Variants in GALNT18 observed in about 807,000 individuals in gnomAD.
GALNT18 encodes polypeptide N-acetylgalactosaminyltransferase 18.
A neutral mutation model predicts 69.5 loss-of-function variants in GALNT18; 44 were observed. That is an observed-to-expected ratio of 0.63 (90% CI 0.50 to 0.81). GALNT18 has a LOEUF of 0.81. Ranked by LOEUF, GALNT18 falls within the 40% of genes least tolerant of loss-of-function variation. GALNT18 has a pLI of 0.00. For missense variants in GALNT18, 715 were observed against 810.0 expected (o/e 0.88, Z 1.42); for synonymous variants, 364 against 318.2 (o/e 1.14, Z -1.53).
rs1855365060 is a variant in GALNT18, at chr11:11,435,011, AC to A, written c.429-2225del. Reference sequence around the variant, plus strand: ...TTGCTAATTGCATTTAAAAAGTAATACCATCTGTGGCCAAACAAATAGTACA... The same window carrying A: ...TTGCTAATTGCATTTAAAAAGTAATACATCTGTGGCCAAACAAATAGTACA... On this transcript the variant is annotated intron_variant, in intron 2 of 10. Transcript: ENST00000227756. The surrounding 1 kb of genome is among the most constrained non-coding windows in gnomAD (Gnocchi z 4.4). Among the ~76,000 whole-genome samples the A allele has an allele frequency of 6.6e-6, 1 of 152,204 alleles. No individual in the cohort carries two copies. Among genetic ancestry groups the A allele is most frequent in the Admixed American group, 6.5e-5 (1 of 15,280 alleles).
At chr11:11,547,595 G>A (rs61872868) in intron 1 of GALNT18, among the ~76,000 whole-genome samples, 2,229 of 152,264 alleles carry the variant, frequency 0.015, 22 homozygotes, top group South Asian at 0.045. Flanking sequence ...GAAAGACAAC[G>A]AGAGTTAAGA....
intron 1 of GALNT18, among the ~76,000 whole-genome samples, chr11:11,506,150 C>T (rs968576462): frequency 2.0e-5 from 3 of 152,158 alleles, no homozygotes; most frequent in East Asian, 1.9e-4. Flanking sequence ...ATTTATTTAT[C>T]GATTTCAAAC....
At chr11:11,519,149 G>A (rs938303405) in intron 1 of GALNT18, among the ~76,000 whole-genome samples, 4 of 152,208 alleles carry the variant, frequency 2.6e-5, no homozygotes, top group African/African-American at 7.2e-5. Context: ...CACCCTGCTC[G>A]CCAGGCCATA....
intron 3 of GALNT18, among the ~76,000 whole-genome samples, chr11:11,429,037 C>CCTCGAGGAAA (rs1386814658): frequency 2.0e-5 from 3 of 152,150 alleles, no homozygotes; most frequent in South Asian, 4.1e-4. Flanking sequence ...AGTCAAGAAT[C>CCTCGAGGAAA]CTCGAGGAAA....
intron 3 of GALNT18, among the ~76,000 whole-genome samples, chr11:11,391,454 T>C (rs1436080803): frequency 6.6e-6 from 1 of 152,220 alleles, no homozygotes; most frequent in Non-Finnish European, 1.5e-5. Context: ...TCTTAATACA[T>C]TTCCTGTCTA....
intron 1 of GALNT18, among the ~76,000 whole-genome samples, chr11:11,534,639 T>G (rs1166708679): frequency 6.6e-6 from 1 of 152,240 alleles, no homozygotes; most frequent in Non-Finnish European, 1.5e-5. Context: ...CCTCCTGCCA[T>G]TCTATGTGAC....
chr11:11,407,685 C>T (rs905557344), intron 3 of GALNT18, among the ~76,000 whole-genome samples: 3 of 152,182 alleles, frequency 2.0e-5, no homozygotes, highest in South Asian at 2.1e-4. Flanking sequence ...GACAAGGGAG[C>T]TGCAAAACTT....
chr11:11,307,727 T>A (rs533731516), intron 9 of GALNT18, among the ~76,000 whole-genome samples: 2 of 134,556 alleles, frequency 1.5e-5, no homozygotes, highest in South Asian at 4.6e-4. Flanking sequence ...CAGAAGCAGC[T>A]CTTCAGGAAG....
chr11:11,473,044 C>A (rs1856308194), intron 1 of GALNT18, among the ~76,000 whole-genome samples: 1 of 151,894 alleles, frequency 6.6e-6, no homozygotes, highest in Non-Finnish European at 1.5e-5. Flanking sequence ...GCAGGGGTGC[C>A]ATCCACAGCA....
rs1033840812 is a variant in GALNT18 at position 11,387,933 on chromosome 11, C to G, written c.596-8669G>C. ...TCAAACCCTGGGCAGTTTACAAATGCCTTCCCCGAGGTTCATTCTTATGTC... is the reference window on the plus strand; with the variant it reads ...TCAAACCCTGGGCAGTTTACAAATGGCTTCCCCGAGGTTCATTCTTATGTC... On this transcript the variant is annotated intron_variant, in intron 3 of 10. Coordinates refer to ENST00000227756, the MANE Select transcript of GALNT18 (RefSeq NM_198516.3). The surrounding 1 kb of genome is among the most constrained non-coding windows in gnomAD (Gnocchi z 4.6). 2.0e-5 allele frequency among the ~76,000 whole-genome samples: 3 copies of G among 152,216 alleles called. No homozygotes were observed. Among genetic ancestry groups the G allele is most frequent in the Non-Finnish European group, 2.9e-5 (2 of 68,042 alleles).
intron 1 of GALNT18, among the ~76,000 whole-genome samples, chr11:11,537,018 G>A (rs1484984876): frequency 1.3e-5 from 2 of 152,242 alleles, no homozygotes; most frequent in African/African-American, 2.4e-5. Flanking sequence ...TCTGCACAGT[G>A]AGCAGAATGT....
intron 1 of GALNT18, among the ~76,000 whole-genome samples, chr11:11,529,024 A>G (rs1240405862): frequency 6.6e-6 from 1 of 152,232 alleles, no homozygotes; most frequent in African/African-American, 2.4e-5. Context: ...TGCTAGCTCC[A>G]TGGTCGAATG....
At chr11:11,594,577 T>C (rs1330631157) in intron 1 of GALNT18, among the ~76,000 whole-genome samples, 1 of 152,198 alleles carries the variant, frequency 6.6e-6, no homozygotes, top group Non-Finnish European at 1.5e-5. Flanking sequence ...ATTTTGTGTC[T>C]GACTTCTTTC....
At chr11:11,545,150 C>T (rs1354642636) in intron 1 of GALNT18, among the ~76,000 whole-genome samples, 3 of 152,220 alleles carry the variant, frequency 2.0e-5, no homozygotes, top group Non-Finnish European at 4.4e-5. Context: ...AAGTAACTTG[C>T]TCAAGTTCAC....
chr11:11,290,638 G>T (rs1849280115), intron 10 of GALNT18, among the ~76,000 whole-genome samples: 1 of 152,170 alleles, frequency 6.6e-6, no homozygotes, highest in African/African-American at 2.4e-5. Flanking sequence ...CTTCCAAAGA[G>T]ACCAGGCTCC....
At chr11:11,445,788 C>A (rs1299936494) in intron 2 of GALNT18, among the ~76,000 whole-genome samples, 1 of 152,174 alleles carries the variant, frequency 6.6e-6, no homozygotes, top group East Asian at 1.9e-4. Context: ...ACAGAAGTTG[C>A]TTGGTGCCAC....
intron 1 of GALNT18, among the ~76,000 whole-genome samples, chr11:11,499,346 C>T (rs1466583450): frequency 6.6e-6 from 1 of 152,214 alleles, no homozygotes; most frequent in Non-Finnish European, 1.5e-5. Context: ...ATGTCCTCTA[C>T]TTTGTGAGTT....
intron 1 of GALNT18, among the ~76,000 whole-genome samples, chr11:11,581,947 G>A (rs4469886): frequency 0.3 from 45,396 of 151,732 alleles, 8,145 homozygotes; most frequent in Non-Finnish European, 0.4. Context: ...GGGGGCTAAA[G>A]AGGACAAAGT....
rs1857059175 is a variant in GALNT18 at position 11,505,829 on chromosome 11, C to T, written c.236-56893G>A. The stretch of plus-strand genomic sequence containing the variant: ...CCACTGTTTCACATCTGGACCCTTT[C>T]CACAGTAAATCCTCTAGCCCAGGCC... On this transcript the variant is annotated intron_variant, in intron 1 of 10. Transcript: ENST00000227756. This position sits in a 1 kb window ranked among gnomAD's most constrained non-coding sequence, Gnocchi z 4.6. Among the ~76,000 whole-genome samples the T allele has an allele frequency of 6.6e-6, 1 of 152,212 alleles. No homozygotes were observed. The highest frequency in any genetic ancestry group is 2.1e-4 in the South Asian group (1 of 4,824).
Sources: gnomAD v4.1 joint callset for allele counts (sites outside exome capture counted in the v4.1 genomes callset) on GRCh38, gnomAD v4.1.1 for gene constraint, Gnocchi (gnomAD v3.1) non-coding constraint, MANE v1.5 for transcripts, NCBI Gene and HGNC (gene_info 2026-07-23, HGNC 2026-07-21) for gene names.